Variants in USF3 observed in about 807,000 individuals in gnomAD.
USF3 encodes basic helix-loop-helix domain-containing protein USF3.
USF3 carries 29 observed loss-of-function variants against 157.5 expected under a neutral mutation model. The ratio of observed to expected loss-of-function variants is 0.18; its 90% CI spans 0.14 to 0.25. The LOEUF is 0.25. Ranked by LOEUF, USF3 falls within the 10% of genes least tolerant of loss-of-function variation. The pLI, the probability that USF3 is intolerant of heterozygous loss-of-function variation, is 1.00. For synonymous variants in USF3, 893 were observed against 941.4 expected, an observed-to-expected ratio of 0.95 and a Z score of 0.94; for missense variants, 2,381 against 2,667.6, an observed-to-expected ratio of 0.89 and a Z score of 2.37.
rs141858983 is a variant in USF3, at chr3:113,694,299, G to C, written c.-135+2071C>G. On this transcript the variant is annotated intron_variant, in intron 1 of 6. Coordinates refer to ENST00000316407, the MANE Select transcript of USF3 (RefSeq NM_001009899.4). Reference sequence around the variant, plus strand: ...GTTAAAAATTCTCAGTTTTCTTAGTGTTTCTTTTCCCTTGTTGACAAGGCT... The same window carrying C: ...GTTAAAAATTCTCAGTTTTCTTAGTCTTTCTTTTCCCTTGTTGACAAGGCT... Among the ~76,000 whole-genome samples the C allele has an allele frequency of 2.0e-3, 299 of 151,632 alleles. 2 individuals carry two copies. Among genetic ancestry groups the C allele is most frequent in the African/African-American group, 6.6e-3 (276 of 41,516 alleles).
At position 113,658,358 on chromosome 3, in the gene USF3, T is replaced by C; in HGVS notation, c.3324A>G (p.Thr1108=). The stretch of plus-strand genomic sequence containing the variant: ...TTGCATTGCTGGTCACATCTTCTCT[T>C]GTTGTTTCAGGAAGCATGGATGCAA... ...FSVASMLPET[T]REDVTSNATT... The change falls in exon 7 of 7, where the codon ACA becomes ACG. Residue 1108 remains threonine, a synonymous_variant. Coordinates refer to ENST00000316407, the MANE Select transcript of USF3 (RefSeq NM_001009899.4). 2 of 1,614,190 alleles carry C rather than the reference T, an allele frequency of 1.2e-6. No homozygotes were observed. Among genetic ancestry groups the C allele is most frequent in the East Asian group, 2.2e-5 (1 of 44,888 alleles).
chr3:113,652,108 A>AGAGAGAGAGAGTGT lies in USF3; in HGVS notation c.*2835_*2836insACACTCTCTCTCTC, dbSNP rs1266464109. 7.0e-5 allele frequency: 10 copies of AGAGAGAGAGAGTGT among 141,978 alleles called. No homozygotes were observed. Among genetic ancestry groups the AGAGAGAGAGAGTGT allele is most frequent in the African/African-American group, 2.6e-4 (10 of 38,276 alleles). The allele number at this position is 141,978 out of a possible 1,614,324, so 8.8% of individuals were successfully genotyped here. A position where few individuals can be genotyped will look rare whatever the true frequency, so the allele number is the denominator to read the frequency against. On this transcript the variant is annotated 3_prime_UTR_variant, in exon 7 of 7. Coordinates refer to ENST00000316407, the MANE Select transcript of USF3 (RefSeq NM_001009899.4). ...TGGAGAGAGAGAGAGAGAGAGAGAGAGTGTGTGTGTGTGTGTGTGTGTGTG... is the reference window on the plus strand; with the variant it reads ...TGGAGAGAGAGAGAGAGAGAGAGAGAGAGAGAGAGAGTGTGTGTGTGTGTGTGTGTGTGTGTGTG...
chr3:113,664,582 A>G (rs1160272048), intron 5 of USF3, among the ~76,000 whole-genome samples, 173 bp from the exon 6 acceptor site: 3 of 152,208 alleles, frequency 2.0e-5, no homozygotes, highest in African/African-American at 4.8e-5. Flanking sequence ...TTAAATGGTT[A>G]TTGGGCAGCT....
chr3:113,681,259 A>T (rs894298380), intron 1 of USF3, among the ~76,000 whole-genome samples: 18 of 151,902 alleles, frequency 1.2e-4, no homozygotes, highest in Non-Finnish European at 2.9e-5. Flanking sequence ...GATTAAAGGT[A>T]TGAGCCACCA....
rs146114680 is a variant in USF3, at chr3:113,672,056, C to A, written c.76+1292G>T. Among the ~76,000 whole-genome samples the A allele has an allele frequency of 4.6e-5, 7 of 152,106 alleles. No homozygotes were observed. The East Asian group carries it at 1.3e-3, about 29-fold the overall frequency. On this transcript the variant is annotated intron_variant, in intron 4 of 6. Transcript: ENST00000316407. ...AAAGTGTTAGAATTACAGGCATGAG[C>A]CATCACGCCTGGCCTAGCATCCTTT...
chr3:113,660,267 C>T lies in USF3; in HGVS notation c.1415G>A (p.Arg472Lys). 1 of 1,613,996 alleles carries T rather than the reference C, an allele frequency of 6.2e-7. No homozygotes were observed. The highest frequency in any genetic ancestry group is 8.5e-7 in the Non-Finnish European group (1 of 1,179,868). Residue 472 changes from arginine to lysine, a missense_variant, in exon 7 of 7, where the codon AGA (arginine) becomes AAA (lysine). Transcript: ENST00000316407. ...GTSPTTSNHS[R>K]YVATDINLNN... ...CAAGTTGATGTCTGTAGCCACATAT[C>T]TACTGTGGTTGCTTGTGGTGGGGCT...
At position 113,655,929 on chromosome 3, in the gene USF3, T is replaced by C. The variant is rs777140426; in HGVS notation, c.5753A>G (p.Gln1918Arg). 1.2e-6 allele frequency: 2 copies of C among 1,614,202 alleles called. No homozygotes were observed. Among genetic ancestry groups the C allele is most frequent in the East Asian group, 4.5e-5 (2 of 44,878 alleles). The change falls in exon 7 of 7, where the codon CAG (glutamine) becomes CGG (arginine). Residue 1918 changes from glutamine (Q) to arginine (R), a missense_variant. Physicochemically the swap from Gln to Arg is conservative, Grantham distance 43. Transcript: ENST00000316407. ...GRNTSPNVSV[Q>R]KSNPMRITES... ...AGTAATCCTCATGGGATTGGATTTC[T>C]GTACAGAAACATTGGGGCTTGTGTT...
At chr3:113,688,583 G>A (rs1707611125) in intron 1 of USF3, among the ~76,000 whole-genome samples, 1 of 152,234 alleles carries the variant, frequency 6.6e-6, no homozygotes, top group Non-Finnish European at 1.5e-5. Flanking sequence ...AGGTATTTGA[G>A]TGTGTTTCAT....
chr3:113,681,302 G>A (rs1431143723), intron 1 of USF3, among the ~76,000 whole-genome samples: 1 of 151,890 alleles, frequency 6.6e-6, no homozygotes, highest in South Asian at 2.1e-4. Context: ...CTTTTTTGAT[G>A]TGGGTGCTTT....
intron 1 of USF3, among the ~76,000 whole-genome samples, chr3:113,679,324 G>T (rs140376064): frequency 1.3e-5 from 2 of 151,234 alleles, no homozygotes; most frequent in African/African-American, 4.9e-5. Context: ...TAAATCTTAC[G>T]TATAATATTC....
intron 5 of USF3, among the ~76,000 whole-genome samples, chr3:113,669,525 T>A (rs1707100120): frequency 6.6e-6 from 1 of 152,158 alleles, no homozygotes; most frequent in Admixed American, 6.5e-5. Context: ...GTTTATTTTT[T>A]AAACCTTTTT....
At position 113,679,393 on chromosome 3, in the gene USF3, T is replaced by C. The variant is rs115560070; in HGVS notation, c.-134-1996A>G. Among the ~76,000 whole-genome samples, 576 of 151,204 alleles carry C rather than the reference T, an allele frequency of 3.8e-3. 4 individuals are homozygous for C. Among genetic ancestry groups the C allele is most frequent in the African/African-American group, 0.013 (546 of 41,248 alleles). ...CCCAACCCCATCAAGGTACAGAACA[T>C]TATCAACAGAGAAAGTTCTTTTTTT... On this transcript the variant is annotated intron_variant, in intron 1 of 6. Transcript: ENST00000316407.
chr3:113,680,772 T>C (rs1414713384), intron 1 of USF3, among the ~76,000 whole-genome samples: 2 of 150,886 alleles, frequency 1.3e-5, no homozygotes, highest in East Asian at 3.9e-4. Flanking sequence ...CACTCCAGCG[T>C]GAGTGACAGA....
intron 6 of USF3, among the ~76,000 whole-genome samples, chr3:113,662,881 T>TA (rs1247897359): frequency 6.6e-6 from 1 of 151,924 alleles, no homozygotes; most frequent in African/African-American, 2.4e-5. Flanking sequence ...CCAGAGCAGT[T>TA]ATGTAATTTG....
At chr3:113,675,043 A>T in intron 2 of USF3, 147 bp from the exon 3 acceptor site, 1 of 619,138 alleles carries the variant, frequency 1.6e-6, no homozygotes, top group Non-Finnish European at 2.9e-6. Context: ...GCAGATAGAA[A>T]GAAGTATAAG....
chr3:113,660,325 C>A lies in USF3; in HGVS notation c.1357G>T (p.Ala453Ser), dbSNP rs1213690848. 6.2e-7 allele frequency: 1 copy of A among 1,614,214 alleles called. No individual in the cohort carries two copies. The highest frequency in any genetic ancestry group is 8.5e-7 in the Non-Finnish European group (1 of 1,180,044). The change falls in exon 7 of 7, where the codon GCT becomes TCT. Residue 453 changes from alanine (A) to serine (S), a missense_variant. Coordinates refer to ENST00000316407, the MANE Select transcript of USF3 (RefSeq NM_001009899.4). ...IQPLSQTPSS[A>S]VTPVLNESGT... The stretch of plus-strand genomic sequence containing the variant: ...GACTCATTTAATACTGGAGTCACAG[C>A]AGAAGATGGTGTCTGGCTTAAGGGC...
chr3:113,652,886 G>A lies in USF3; in HGVS notation c.*2058C>T. On this transcript the variant is annotated 3_prime_UTR_variant, in exon 7 of 7. Coordinates refer to ENST00000316407, the MANE Select transcript of USF3 (RefSeq NM_001009899.4). ...CTCAAGAATTTGCTTGAACCCAGGAGGCAGAGGCTGCAGTGAGCCAAGATC... is the reference window on the plus strand; with the variant it reads ...CTCAAGAATTTGCTTGAACCCAGGAAGCAGAGGCTGCAGTGAGCCAAGATC... 1 of 362,096 alleles carries A rather than the reference G, an allele frequency of 2.8e-6. No individual in the cohort carries two copies. The highest frequency in any genetic ancestry group is 2.9e-5 in the South Asian group (1 of 34,012). 22.4% of individuals were successfully genotyped at this position (362,096 alleles called of 1,614,324 possible).
At chr3:113,673,081 G>C (rs1029823655) in intron 4 of USF3, among the ~76,000 whole-genome samples, 3 of 152,098 alleles carry the variant, frequency 2.0e-5, no homozygotes, top group Non-Finnish European at 4.4e-5. Context: ...GACTATCTTG[G>C]TAGGTAAAAT....
intron 4 of USF3, among the ~76,000 whole-genome samples, chr3:113,670,546 G>A (rs1186254057): frequency 2.0e-5 from 3 of 152,056 alleles, no homozygotes; most frequent in South Asian, 2.1e-4. Context: ...GCTGCAGTGC[G>A]CTGAGATCAT....
Sources: gnomAD v4.1 joint callset for allele counts (sites outside exome capture counted in the v4.1 genomes callset) on GRCh38, gnomAD v4.1.1 for gene constraint, MANE v1.5 for transcripts, NCBI Gene and HGNC (gene_info 2026-07-23, HGNC 2026-07-21) for gene names.